Variants in SUCLG1 observed in about 807,000 individuals in gnomAD.
SUCLG1 encodes succinate-CoA ligase GDP/ADP-forming subunit alpha.
Under a neutral mutation model 37.3 loss-of-function variants are expected in SUCLG1, and 26 were observed. The observed-to-expected ratio is 0.70, with a 90% CI of 0.51 to 0.97. SUCLG1 has a LOEUF of 0.97. Ranked by LOEUF, SUCLG1 falls within the 50% of genes least tolerant of loss-of-function variation. The probability of loss-of-function intolerance (pLI) is 0.00; values close to 1 mark genes in which losing one functional copy is unlikely to be tolerated. For synonymous variants in SUCLG1, 163 were observed against 155.6 expected (o/e 1.05, Z -0.36); for missense variants, 433 against 432.9 (o/e 1.00, Z 0.00).
chr2:84,428,399 C>T (rs79239900), intron 7 of SUCLG1, among the ~76,000 whole-genome samples: 1,576 of 152,200 alleles, frequency 0.01, 41 homozygotes, highest in African/African-American at 0.036. Context: ...TCACTAACTT[C>T]GGTATGCCTG....
At chr2:84,434,442 G>T (rs1051184857) in intron 5 of SUCLG1, among the ~76,000 whole-genome samples, 1 of 152,202 alleles carries the variant, frequency 6.6e-6, no homozygotes, top group Non-Finnish European at 1.5e-5. Flanking sequence ...TTTCACATCT[G>T]GATTAGGTGT....
At position 84,441,082 on chromosome 2, in the gene SUCLG1, A is replaced by G; in HGVS notation, c.554T>C (p.Ile185Thr). 6.2e-7 allele frequency: 1 copy of G among 1,614,194 alleles called. No homozygotes were observed. Among genetic ancestry groups the G allele is most frequent in the Non-Finnish European group, 8.5e-7 (1 of 1,180,032 alleles). Residue 185 changes from isoleucine to threonine, a missense_variant, in exon 5 of 9, where the codon ATC becomes ACC. Physicochemically the swap from Ile to Thr is moderately conservative, Grantham distance 89 (BLOSUM62 -1). Coordinates refer to ENST00000393868, the MANE Select transcript of SUCLG1 (RefSeq NM_003849.4). Reference sequence around the variant, plus strand: ...TTTTTTGTGAATATGGCCAGGCATGATGCCAATTTTACATTCTCCAGGCTG... The same window carrying G: ...TTTTTTGTGAATATGGCCAGGCATGGTGCCAATTTTACATTCTCCAGGCTG... ...VINPGECKIGIMPGHIHKKGR... is the reference protein window; with the variant it reads ...VINPGECKIGTMPGHIHKKGR...
At chr2:84,427,921 T>C (rs1388683276) in intron 7 of SUCLG1, among the ~76,000 whole-genome samples, 1 of 152,124 alleles carries the variant, frequency 6.6e-6, no homozygotes, top group Non-Finnish European at 1.5e-5. Context: ...TGAAACTGGC[T>C]TTTTTTTTCT....
chr2:84,452,162 G>A (rs1017346757), intron 1 of SUCLG1, among the ~76,000 whole-genome samples: 5 of 151,598 alleles, frequency 3.3e-5, no homozygotes, highest in Admixed American at 6.6e-5. Context: ...CCATAACTGC[G>A]TGGTGTGTGA....
At chr2:84,435,396 C>T (rs1392220929) in intron 5 of SUCLG1, among the ~76,000 whole-genome samples, 2 of 152,214 alleles carry the variant, frequency 1.3e-5, no homozygotes, top group Non-Finnish European at 2.9e-5. Context: ...TTCCCTACCA[C>T]TGTGAGAGTA....
intron 5 of SUCLG1, among the ~76,000 whole-genome samples, chr2:84,440,234 G>A (rs1001990169): frequency 7.2e-5 from 11 of 152,160 alleles, no homozygotes; most frequent in Admixed American, 5.2e-4. Context: ...TTAGCTGGGC[G>A]TGGTGGCGCA....
intron 5 of SUCLG1, among the ~76,000 whole-genome samples, chr2:84,435,920 C>T (rs760989188): frequency 4.6e-4 from 70 of 152,184 alleles, no homozygotes; most frequent in Admixed American, 1.6e-3. Context: ...GCCAGTCAGC[C>T]GTTCCTCTCT....
intron 1 of SUCLG1, among the ~76,000 whole-genome samples, chr2:84,456,727 G>A (rs1023095170): frequency 4.6e-5 from 7 of 151,906 alleles, no homozygotes; most frequent in African/African-American, 7.3e-5. Flanking sequence ...ACAGTGGCAC[G>A]ATCTCAGCTC....
chr2:84,451,770 C>T (rs757992453), intron 1 of SUCLG1, among the ~76,000 whole-genome samples: 4 of 152,158 alleles, frequency 2.6e-5, no homozygotes, highest in Non-Finnish European at 4.4e-5. Flanking sequence ...TCTTGGGAAA[C>T]CTCTAATGCA....
chr2:84,442,665 T>A (rs1672793191), intron 3 of SUCLG1, among the ~76,000 whole-genome samples: 1 of 152,154 alleles, frequency 6.6e-6, no homozygotes, highest in Non-Finnish European at 1.5e-5. Flanking sequence ...ATAATAAAAT[T>A]TAATTTAAAA....
At chr2:84,451,402 G>A (rs1380555527) in intron 1 of SUCLG1, among the ~76,000 whole-genome samples, 1 of 152,156 alleles carries the variant, frequency 6.6e-6, no homozygotes, top group East Asian at 1.9e-4. Context: ...AATACTTTTT[G>A]TAGGTAAAGT....
At chr2:84,455,268 G>A (rs944345451) in intron 1 of SUCLG1, among the ~76,000 whole-genome samples, 3 of 152,126 alleles carry the variant, frequency 2.0e-5, no homozygotes, top group African/African-American at 4.8e-5. Context: ...AATGAGGCGG[G>A]CGGATCACCT....
intron 7 of SUCLG1, among the ~76,000 whole-genome samples, chr2:84,430,629 AG>A (rs1672600793): frequency 2.6e-5 from 4 of 152,212 alleles, no homozygotes; most frequent in African/African-American, 9.7e-5. Context: ...TTAACTCTCC[AG>A]TATTATTTTA....
chr2:84,443,034 A>C (rs1310129504), intron 3 of SUCLG1, among the ~76,000 whole-genome samples: 3 of 152,248 alleles, frequency 2.0e-5, no homozygotes, highest in African/African-American at 2.4e-5. Flanking sequence ...ATACTGGAAG[A>C]AGAAAGGTAA....
chr2:84,456,689 A>T (rs993103298), intron 1 of SUCLG1, among the ~76,000 whole-genome samples: 4 of 151,894 alleles, frequency 2.6e-5, no homozygotes, highest in African/African-American at 4.8e-5. Flanking sequence ...TCTGAGACAG[A>T]GTCTCACTCT....
At chr2:84,447,282 T>C (rs1454840213) in intron 2 of SUCLG1, among the ~76,000 whole-genome samples, 1 of 142,094 alleles carries the variant, frequency 7.0e-6, no homozygotes, top group Non-Finnish European at 1.5e-5. Context: ...CTGAGGCAAT[T>C]AACACTCTCA....
Position 84,441,476 on chromosome 2 carries a change from G to T in SUCLG1, c.319-17C>A. ...TTCTTTGGCCTGAAACATTAACGAC[G>T]AAGCACCTTATTATTTGTTAAATCA... On this transcript the variant is annotated splice_polypyrimidine_tract_variant and intron_variant, in intron 3 of 8. Transcript: ENST00000393868. 1 of 1,611,306 alleles carries T rather than the reference G, an allele frequency of 6.2e-7. No individual in the cohort carries two copies. Among genetic ancestry groups the T allele is most frequent in the East Asian group, 2.2e-5 (1 of 44,868 alleles).
intron 2 of SUCLG1, among the ~76,000 whole-genome samples, chr2:84,446,564 A>C (rs1672855721): frequency 6.6e-6 from 1 of 152,124 alleles, no homozygotes. Context: ...AATTTGTCTA[A>C]AGTCAGGGGC....
intron 5 of SUCLG1, 25 bp from the exon 6 acceptor site, chr2:84,433,460 A>AT (rs1205932613): frequency 6.3e-7 from 1 of 1,599,932 alleles, no homozygotes; most frequent in Non-Finnish European, 8.6e-7. Context: ...ATTCAAAAAT[A>AT]TTAGATTGTG....
Sources: allele counts gnomAD v4.1 joint callset (sites outside exome capture counted in the v4.1 genomes callset), GRCh38; gene constraint gnomAD v4.1.1; transcripts MANE v1.5; gene names NCBI Gene and HGNC (gene_info 2026-07-23, HGNC 2026-07-21).